Variants in TNFSF13 observed in about 807,000 individuals in gnomAD.
The protein encoded by TNFSF13 is TNF superfamily member 13.
A neutral mutation model predicts 30.7 loss-of-function variants in TNFSF13; 18 were observed. The ratio of observed to expected loss-of-function variants is 0.59; its 90% CI spans 0.41 to 0.87. The LOEUF is 0.87. Ranked by LOEUF, TNFSF13 falls within the 40% of genes least tolerant of loss-of-function variation. The pLI is 0.00. For synonymous variants in TNFSF13, 116 were observed against 123.2 expected, an observed-to-expected ratio of 0.94 and a Z score of 0.39; for missense variants, 286 against 308.8, an observed-to-expected ratio of 0.93 and a Z score of 0.55.
At chr17:7,560,016 A>G in intron 3 of TNFSF13, 33 bp from the exon 4 acceptor site, 1 of 1,614,136 alleles carries the variant, frequency 6.2e-7, no homozygotes, top group Non-Finnish European at 8.5e-7. Context: ...TGAGAGTGCC[A>G]AGAAGTCCTG....
chr17:7,560,663 G>C (rs1597834925), intron 5 of TNFSF13, 61 bp from the exon 6 acceptor site: 1 of 1,612,996 alleles, frequency 6.2e-7, no homozygotes, highest in East Asian at 2.2e-5. Context: ...AGAAGGCAGG[G>C]GGAAACAGGG....
Position 7,559,412 on chromosome 17 carries a change from A to AG in TNFSF13, c.258+119dup. On this transcript the variant is annotated intron_variant, in intron 1 of 5. Coordinates refer to ENST00000338784, the MANE Select transcript of TNFSF13 (RefSeq NM_003808.4). The surrounding 1 kb of genome is among the most constrained non-coding windows in gnomAD (Gnocchi z 5.4). ...AGAGAGGGTCTCCGGTTTGGAAGTCAGGGGCGCGGCCATTCCAGGAAAGGA... is the reference window on the plus strand; with the variant it reads ...AGAGAGGGTCTCCGGTTTGGAAGTCAGGGGGCGCGGCCATTCCAGGAAAGGA... The AG allele has an allele frequency of 1.4e-6, 2 of 1,443,390 alleles. No individual in the cohort carries two copies. Among genetic ancestry groups the AG allele is most frequent in the Non-Finnish European group, 1.8e-6 (2 of 1,090,440 alleles). 89.4% of individuals were successfully genotyped at this position (1,443,390 alleles called of 1,614,324 possible). A position where few individuals can be genotyped will look rare whatever the true frequency, so the allele number is the denominator to read the frequency against.
chr17:7,559,538 A>G lies in TNFSF13; in HGVS notation c.259-86A>G. On this transcript the variant is annotated intron_variant, in intron 1 of 5. Coordinates refer to ENST00000338784, the MANE Select transcript of TNFSF13 (RefSeq NM_003808.4). The surrounding 1 kb of genome is among the most constrained non-coding windows in gnomAD (Gnocchi z 5.4). ...AAAAGGTGCGTGAGAGATCTGAGGC[A>G]TCTCGGGGGCAGGGGAGGGCTGGGA... 6.6e-7 allele frequency: 1 copy of G among 1,526,486 alleles called. No homozygotes were observed. Among genetic ancestry groups the G allele is most frequent in the South Asian group, 1.2e-5 (1 of 81,974 alleles). 94.6% of individuals were successfully genotyped at this position (1,526,486 alleles called of 1,614,324 possible).
rs763770512 is a variant in TNFSF13, at chr17:7,560,093, C to A, written c.430C>A (p.Arg144Ser). Reference protein sequence around the residue: ...TEVMWQPALRRGRGLQAQGYG... With the variant: ...TEVMWQPALRSGRGLQAQGYG... The stretch of plus-strand genomic sequence containing the variant: ...GGTGATGTGGCAACCAGCTCTTAGG[C>A]GTGGGAGAGGCCTACAGGCCCAAGG... The change falls in exon 4 of 6, where the codon CGT (arginine) becomes AGT (serine). Residue 144 changes from arginine (R) to serine (S), a missense_variant. Physicochemically the swap from Arg to Ser is moderately radical, Grantham distance 110 (BLOSUM62 -1). Coordinates refer to ENST00000338784, the MANE Select transcript of TNFSF13 (RefSeq NM_003808.4). The A allele has an allele frequency of 6.2e-7, 1 of 1,614,110 alleles. No homozygotes were observed. The highest frequency in any genetic ancestry group is 1.7e-5 in the Admixed American group (1 of 60,016).
Position 7,560,463 on chromosome 17 carries a change from G to A in TNFSF13, c.618G>A (p.Arg206=). The stretch of plus-strand genomic sequence containing the variant: ...GAAGTATGCCCTCCCACCCGGACCG[G>A]GCCTACAACAGCTGCTATAGCGCAG... ...CIRSMPSHPD[R]AYNSCYSAGV... Residue 206 remains arginine, a synonymous_variant, in exon 5 of 6, where the codon CGG becomes CGA. Coordinates refer to ENST00000338784, the MANE Select transcript of TNFSF13 (RefSeq NM_003808.4). 6.2e-7 allele frequency: 1 copy of A among 1,614,124 alleles called. No individual in the cohort carries two copies. The highest frequency in any genetic ancestry group is 1.3e-5 in the African/African-American group (1 of 74,998).
Position 7,560,851 on chromosome 17 carries a change from G to C in TNFSF13, c.*18G>C. 1.2e-6 allele frequency: 2 copies of C among 1,613,738 alleles called. No homozygotes were observed. The highest frequency in any genetic ancestry group is 2.2e-5 in the East Asian group (1 of 44,880). On this transcript the variant is annotated 3_prime_UTR_variant, in exon 6 of 6. Coordinates refer to ENST00000338784, the MANE Select transcript of TNFSF13 (RefSeq NM_003808.4). ...AACTGTGATTGTGTTATAAAAAGTG[G>C]CTCCCAGCTTGGAAGACCAGGGTGG...
intron 3 of TNFSF13, 27 bp from the exon 4 acceptor site, chr17:7,560,022 T>A (rs763354297): frequency 6.2e-7 from 1 of 1,614,002 alleles, no homozygotes; most frequent in Admixed American, 1.7e-5. Flanking sequence ...TGCCAAGAAG[T>A]CCTGACCGAC....
chr17:7,561,156 C>T lies in TNFSF13; in HGVS notation c.*323C>T, dbSNP rs1352396814. The T allele has an allele frequency of 4.6e-6, 6 of 1,300,218 alleles. No individual in the cohort carries two copies. Among genetic ancestry groups the T allele is most frequent in the Middle Eastern group, 2.1e-4 (1 of 4,830 alleles). The allele number at this position is 1,300,218 out of a possible 1,614,324, so 80.5% of individuals were successfully genotyped here. ...ACAGCACCACCATCTAGCGGCCGCT[C>T]GAGGGAAGCACCCGCCGGTTGGCCG... On this transcript the variant is annotated 3_prime_UTR_variant, in exon 6 of 6. Coordinates refer to ENST00000338784, the MANE Select transcript of TNFSF13 (RefSeq NM_003808.4). The surrounding 1 kb of genome is among the most constrained non-coding windows in gnomAD (Gnocchi z 4.4).
In TNFSF13 at chr17:7,561,199, C is replaced by A; in HGVS notation, c.*366C>A. On this transcript the variant is annotated 3_prime_UTR_variant, in exon 6 of 6. Transcript: ENST00000338784. This position sits in a 1 kb window ranked among gnomAD's most constrained non-coding sequence, Gnocchi z 4.4. ...GTTGGCCGAAGTCCACGAAGCCGCCCTCTGCTAGGGAAAACCCCTGGTTCT... is the reference window on the plus strand; with the variant it reads ...GTTGGCCGAAGTCCACGAAGCCGCCATCTGCTAGGGAAAACCCCTGGTTCT... 1 of 807,984 alleles carries A rather than the reference C, an allele frequency of 1.2e-6. No homozygotes were observed. 50.1% of individuals were successfully genotyped at this position (807,984 alleles called of 1,614,324 possible).
rs950624205 is a variant in TNFSF13 at position 7,561,053 on chromosome 17, C to G, written c.*220C>G. 19 of 1,613,556 alleles carry G rather than the reference C, an allele frequency of 1.2e-5. No individual in the cohort carries two copies. In the African/African-American group the frequency reaches 2.4e-4, roughly 20 times the overall value. ...TTCCCCATGGAGCTCCGAATTCTTG[C>G]GTGTGTGTAGATGAGGGGCGGGGGA... On this transcript the variant is annotated 3_prime_UTR_variant, in exon 6 of 6. Coordinates refer to ENST00000338784, the MANE Select transcript of TNFSF13 (RefSeq NM_003808.4). The surrounding 1 kb of genome is among the most constrained non-coding windows in gnomAD (Gnocchi z 4.4).
chr17:7,558,886 C>G lies in TNFSF13; in HGVS notation c.-154C>G. 1.2e-5 allele frequency: 11 copies of G among 938,542 alleles called. No individual in the cohort carries two copies. Among genetic ancestry groups the G allele is most frequent in the Non-Finnish European group, 1.5e-5 (10 of 669,304 alleles). 58.1% of individuals were successfully genotyped at this position (938,542 alleles called of 1,614,324 possible). ...ACTAACAGTACCCTTAGCTTGCTTT[C>G]CTCCTCCCTCCTTTTTATTTTCAAG... On this transcript the variant is annotated 5_prime_UTR_variant, in exon 1 of 6. Transcript: ENST00000338784. This position sits in a 1 kb window ranked among gnomAD's most constrained non-coding sequence, Gnocchi z 4.3.
rs1429595532 is a variant in TNFSF13, at chr17:7,559,914, T to C, written c.385+21T>C. 6.2e-7 allele frequency: 1 copy of C among 1,613,876 alleles called. No homozygotes were observed. The highest frequency in any genetic ancestry group is 8.5e-7 in the Non-Finnish European group (1 of 1,180,002). On this transcript the variant is annotated intron_variant, in intron 3 of 5. Coordinates refer to ENST00000338784, the MANE Select transcript of TNFSF13 (RefSeq NM_003808.4). This position sits in a 1 kb window ranked among gnomAD's most constrained non-coding sequence, Gnocchi z 5.4. ...CAAGGGTGAGCACTATTTTAAATAA[T>C]GGCTTTGGGGAGGGGCAATAACCAG...
intron 5 of TNFSF13, 98 bp downstream of exon 5, chr17:7,560,586 G>C (rs1204957876): frequency 1.9e-6 from 3 of 1,608,378 alleles, no homozygotes; most frequent in African/African-American, 2.7e-5. Flanking sequence ...CCTAAACAGA[G>C]GCGGGTCTGA....
rs1350458381 is a variant in TNFSF13, at chr17:7,561,600, T to TA, written c.*768dup. ...AAGTTAAATAAAATAGAATGAATGA[T>TA]ACCCCGGCTCCATTTCCCCCACTGC... On this transcript the variant is annotated 3_prime_UTR_variant, in exon 6 of 6. Coordinates refer to ENST00000338784, the MANE Select transcript of TNFSF13 (RefSeq NM_003808.4). This position sits in a 1 kb window ranked among gnomAD's most constrained non-coding sequence, Gnocchi z 4.4. The TA allele has an allele frequency of 6.4e-6, 1 of 156,844 alleles. No homozygotes were observed. Among genetic ancestry groups the TA allele is most frequent in the Non-Finnish European group, 1.4e-5 (1 of 70,826 alleles). The allele number at this position is 156,844 out of a possible 1,614,324, so 9.7% of individuals were successfully genotyped here.
chr17:7,561,049 C>G lies in TNFSF13; in HGVS notation c.*216C>G, dbSNP rs1027377173. On this transcript the variant is annotated 3_prime_UTR_variant, in exon 6 of 6. Coordinates refer to ENST00000338784, the MANE Select transcript of TNFSF13 (RefSeq NM_003808.4). The surrounding 1 kb of genome is among the most constrained non-coding windows in gnomAD (Gnocchi z 4.4). ...TCTGTTCCCCATGGAGCTCCGAATT[C>G]TTGCGTGTGTGTAGATGAGGGGCGG... 8.1e-6 allele frequency: 13 copies of G among 1,613,994 alleles called. No homozygotes were observed. Among genetic ancestry groups the G allele is most frequent in the Non-Finnish European group, 1.0e-5 (12 of 1,179,942 alleles).
rs749864691 is a variant in TNFSF13 at position 7,559,291 on chromosome 17, G to T, written c.252G>T (p.Pro84=). Reference sequence around the variant, plus strand: ...AAGGGTATCCCTGGCAGAGTCTCCCGGAGCAGGTGAGTGAGGGGAGGAGGG... The same window carrying T: ...AAGGGTATCCCTGGCAGAGTCTCCCTGAGCAGGTGAGTGAGGGGAGGAGGG... The part of the protein sequence containing the change: ...NGEGYPWQSL[P]EQSSDALEAW... The change falls in exon 1 of 6, where the codon CCG becomes CCT. Residue 84 remains proline (P), a synonymous_variant. Coordinates refer to ENST00000338784, the MANE Select transcript of TNFSF13 (RefSeq NM_003808.4). This position sits in a 1 kb window ranked among gnomAD's most constrained non-coding sequence, Gnocchi z 5.4. 3 of 1,600,938 alleles carry T rather than the reference G, an allele frequency of 1.9e-6. No homozygotes were observed. The African/African-American group carries it at 4.0e-5, about 21-fold the overall frequency.
chr17:7,561,086 C>T lies in TNFSF13; in HGVS notation c.*253C>T. 6.3e-7 allele frequency: 1 copy of T among 1,597,372 alleles called. No homozygotes were observed. Among genetic ancestry groups the T allele is most frequent in the East Asian group, 2.2e-5 (1 of 44,510 alleles). ...TAGATGAGGGGCGGGGGACGGGCGCCAGGCATTGTCCAGACCTGGTCGGGG... is the reference window on the plus strand; with the variant it reads ...TAGATGAGGGGCGGGGGACGGGCGCTAGGCATTGTCCAGACCTGGTCGGGG... On this transcript the variant is annotated 3_prime_UTR_variant, in exon 6 of 6. Transcript: ENST00000338784. The surrounding 1 kb of genome is among the most constrained non-coding windows in gnomAD (Gnocchi z 4.4).
Position 7,561,490 on chromosome 17 carries a change from C to G in TNFSF13, c.*657C>G. On this transcript the variant is annotated 3_prime_UTR_variant, in exon 6 of 6. Transcript: ENST00000338784. This position sits in a 1 kb window ranked among gnomAD's most constrained non-coding sequence, Gnocchi z 4.4. ...AGCCCTTCCGGGCTGGAACTGGTGT[C>G]GGAGGAGCCTCGGGTGTATCGTACG... 5.0e-6 allele frequency: 1 copy of G among 200,062 alleles called. No individual in the cohort carries two copies. The highest frequency in any genetic ancestry group is 1.5e-4 in the East Asian group (1 of 6,642). The allele number at this position is 200,062 out of a possible 1,614,324, so 12.4% of individuals were successfully genotyped here. A position where few individuals can be genotyped will look rare whatever the true frequency, so the allele number is the denominator to read the frequency against.
chr17:7,559,136 T>G lies in TNFSF13; in HGVS notation c.97T>G (p.Leu33Val). Residue 33 changes from leucine (L) to valine (V), a missense_variant, in exon 1 of 6, where the codon TTG becomes GTG. Coordinates refer to ENST00000338784, the MANE Select transcript of TNFSF13 (RefSeq NM_003808.4). The surrounding 1 kb of genome is among the most constrained non-coding windows in gnomAD (Gnocchi z 5.4). ...GCCGGCACTCTCAGTTGCCCTCTGG[T>G]TGAGTTGGGGGGCAGCTCTGGGGGC... ...REPALSVALWLSWGAALGAVA... is the reference protein window; with the variant it reads ...REPALSVALWVSWGAALGAVA... 1 of 1,610,174 alleles carries G rather than the reference T, an allele frequency of 6.2e-7. No homozygotes were observed. The highest frequency in any genetic ancestry group is 8.5e-7 in the Non-Finnish European group (1 of 1,177,144).
Sources: allele counts gnomAD v4.1 joint callset, GRCh38; gene constraint gnomAD v4.1.1; non-coding constraint Gnocchi (gnomAD v3.1); transcripts MANE v1.5; gene names NCBI Gene and HGNC (gene_info 2026-07-23, HGNC 2026-07-21).